The following PICALM variants were observed in gnomAD, a reference collection of about 807,000 sequenced individuals.
The protein encoded by PICALM is phosphatidylinositol-binding clathrin assembly protein.
Under a neutral mutation model 80.5 loss-of-function variants are expected in PICALM, and 40 were observed. The ratio of observed to expected loss-of-function variants is 0.50; its 90% confidence interval spans 0.39 to 0.65. The LOEUF (loss-of-function observed/expected upper bound fraction) is 0.65, where lower values mean the gene tolerates loss of function less well. Ranked by LOEUF, PICALM falls within the 30% of genes least tolerant of loss-of-function variation. PICALM has a pLI of 0.00. For synonymous variants in PICALM, 288 were observed against 260.3 expected (o/e 1.11, Z -1.02); for missense variants, 676 against 778.9 (o/e 0.87, Z 1.57).
chr11:86,008,503 C>G (rs2095323653), intron 7 of PICALM, among the ~76,000 whole-genome samples: 1 of 151,932 alleles, frequency 6.6e-6, no homozygotes, highest in Non-Finnish European at 1.5e-5. Context: ...ACCTGTAATC[C>G]CAGCTACTCA....
At chr11:86,050,027 C>T (rs2096153552) in intron 1 of PICALM, among the ~76,000 whole-genome samples, 1 of 151,288 alleles carries the variant, frequency 6.6e-6, no homozygotes, top group Non-Finnish European at 1.5e-5. Flanking sequence ...TGGCAAAACC[C>T]CATCTCTACT....
rs763799922 is a variant in PICALM, at chr11:85,981,972, T to C, written c.1548A>G (p.Pro516=). ...GFDELGGLLK[P]TVASQNQNLP... ...GGTTCTGGTTCTGAGAGGCCACTGTTGGTTTGAGAAGTCCACCTAGTTCAT... is the reference window on the plus strand; with the variant it reads ...GGTTCTGGTTCTGAGAGGCCACTGTCGGTTTGAGAAGTCCACCTAGTTCAT... The change falls in exon 15 of 20, where the codon CCA becomes CCG. Residue 516 remains proline, a synonymous_variant. Transcript: ENST00000393346. The C allele has an allele frequency of 1.9e-6, 3 of 1,613,256 alleles. No individual in the cohort carries two copies. The highest frequency in any genetic ancestry group is 2.5e-6 in the Non-Finnish European group (3 of 1,179,180).
At position 85,960,028 on chromosome 11, in the gene PICALM, G is replaced by T. The variant is rs2093635683; in HGVS notation, c.1945-968C>A. Among the ~76,000 whole-genome samples, 4 of 152,064 alleles carry T rather than the reference G, an allele frequency of 2.6e-5. No homozygotes were observed. In the South Asian group the frequency reaches 8.3e-4, roughly 32 times the overall value. ...AAATCTCATTTGGGAAGCAAAATTT[G>T]AAATATTATTTCCAAATGATATACA... is the stretch of plus-strand genomic sequence containing the variant. On this transcript the variant is annotated intron_variant, in intron 19 of 19. Transcript: ENST00000393346.
intron 1 of PICALM, among the ~76,000 whole-genome samples, chr11:86,049,574 A>G (rs4944555): frequency 0.16 from 23,849 of 151,408 alleles, 2,422 homozygotes; most frequent in Middle Eastern, 0.24. Flanking sequence ...TTTCCCTGAG[A>G]AAGAGTCTCA....
chr11:86,030,933 T>C (rs2095740495), intron 2 of PICALM, among the ~76,000 whole-genome samples: 3 of 152,066 alleles, frequency 2.0e-5, no homozygotes, highest in East Asian at 3.9e-4. Flanking sequence ...TAAGCCAAGA[T>C]GGAAAGACCC....
intron 14 of PICALM, 104 bp from the exon 15 acceptor site, chr11:85,982,107 AGTTATCC>A: frequency 4.0e-6 from 4 of 1,007,044 alleles, no homozygotes; most frequent in Admixed American, 4.1e-5. Flanking sequence ...TCACTGGAAA[AGTTATCC>A]AAAAAATAGA....
chr11:86,069,216 G>C (rs1188276717), upstream of PICALM: 1 of 183,706 alleles, frequency 5.4e-6, no homozygotes. Context: ...CGCTCAGCGA[G>C]GGAAGAGCTG....
intron 19 of PICALM, among the ~76,000 whole-genome samples, chr11:85,971,528 G>A (rs898300406): frequency 7.9e-5 from 12 of 151,674 alleles, no homozygotes; most frequent in African/African-American, 2.9e-4. Context: ...TAGAGCTCAG[G>A]AGTTCAAGAA....
At chr11:86,044,567 C>T (rs1475367059) in intron 1 of PICALM, among the ~76,000 whole-genome samples, 9 of 72,646 alleles carry the variant, frequency 1.2e-4, no homozygotes, top group Middle Eastern at 5.7e-3. Flanking sequence ...CAAAATTACA[C>T]GAGCCATTTA....
chr11:86,026,462 T>A, intron 2 of PICALM, 95 bp from the exon 3 acceptor site: 1 of 662,694 alleles, frequency 1.5e-6, no homozygotes, highest in Non-Finnish European at 2.6e-6. Flanking sequence ...CACATTCTAT[T>A]AAGCTTATCT....
At chr11:86,023,518 A>G in intron 3 of PICALM, 1 of 984,822 alleles carries the variant, frequency 1.0e-6, no homozygotes, top group Non-Finnish European at 1.2e-6. Flanking sequence ...AACACCTCTC[A>G]TCCTTCAAGG....
Position 86,031,479 on chromosome 11 carries a change from T to C in PICALM, c.263A>G (p.Tyr88Cys). The C allele has an allele frequency of 6.2e-7, 1 of 1,611,622 alleles. No individual in the cohort carries two copies. Among genetic ancestry groups the C allele is most frequent in the Non-Finnish European group, 8.5e-7 (1 of 1,179,086 alleles). The change falls in exon 2 of 20, where the codon TAT becomes TGT. Residue 88 changes from tyrosine (Y) to cysteine (C), a missense_variant. Coordinates refer to ENST00000393346, the MANE Select transcript of PICALM (RefSeq NM_007166.4). Reference protein sequence around the residue: ...SLITTHHLMVYGNERFIQYLA... With the variant: ...SLITTHHLMVCGNERFIQYLA... ...AAAAATTCTGCTTACCTCATTTCCATACACCATCAAATGATGAGTTGTAAT... is the reference window on the plus strand; with the variant it reads ...AAAAATTCTGCTTACCTCATTTCCACACACCATCAAATGATGAGTTGTAAT...
intron 19 of PICALM, among the ~76,000 whole-genome samples, chr11:85,965,975 C>T (rs781144215): frequency 1.3e-5 from 2 of 151,798 alleles, no homozygotes; most frequent in Non-Finnish European, 2.9e-5. Flanking sequence ...TGCCACCACG[C>T]CTGGCTAATT....
At chr11:86,065,170 G>A (rs750073818) in intron 1 of PICALM, among the ~76,000 whole-genome samples, 3 of 152,094 alleles carry the variant, frequency 2.0e-5, no homozygotes, top group African/African-American at 7.2e-5. Context: ...TGTGGGCCAG[G>A]CACAGTGGCT....
chr11:86,063,118 AAAT>A (rs1401643355), intron 1 of PICALM, among the ~76,000 whole-genome samples: 1 of 152,248 alleles, frequency 6.6e-6, no homozygotes. Flanking sequence ...TAACTATTCT[AAAT>A]GATTATCATG....
At chr11:85,992,237 T>C (rs1169859705) in intron 12 of PICALM, among the ~76,000 whole-genome samples, 1 of 151,922 alleles carries the variant, frequency 6.6e-6, no homozygotes, top group East Asian at 1.9e-4. Flanking sequence ...AGGAGTTGCA[T>C]TAAGCTTACA....
chr11:86,064,954 T>G (rs778220856), intron 1 of PICALM, among the ~76,000 whole-genome samples: 8 of 151,912 alleles, frequency 5.3e-5, no homozygotes, highest in Non-Finnish European at 8.8e-5. Context: ...TGGTGGCACA[T>G]GCCTATAGTC....
At chr11:86,018,753 G>T (rs1190091629) in intron 4 of PICALM, among the ~76,000 whole-genome samples, 1 of 152,106 alleles carries the variant, frequency 6.6e-6, no homozygotes, top group East Asian at 1.9e-4. Flanking sequence ...GCTGGGCATT[G>T]TGGCGGGCAC....
At chr11:86,042,893 G>A (rs1453001080) in intron 1 of PICALM, among the ~76,000 whole-genome samples, 1 of 151,942 alleles carries the variant, frequency 6.6e-6, no homozygotes, top group African/African-American at 2.4e-5. Context: ...GTACTATAAA[G>A]GAAAAAACAT....
Sources: gnomAD v4.1 joint callset for allele counts (sites outside exome capture counted in the v4.1 genomes callset) on GRCh38, gnomAD v4.1.1 for gene constraint, MANE v1.5 for transcripts, NCBI Gene and HGNC (gene_info 2026-07-23, HGNC 2026-07-21) for gene names.